ATP6V1C1: variants seen among roughly 807,000 people sequenced by gnomAD.
The protein encoded by ATP6V1C1 is V-type proton ATPase subunit C 1.
In ATP6V1C1, 45 loss-of-function variants were observed where a neutral mutation model predicts 53.9. The observed-to-expected ratio is 0.83, with a 90% CI of 0.66 to 1.07. The LOEUF (loss-of-function observed/expected upper bound fraction) is 1.07, where lower values mean the gene tolerates loss of function less well. ATP6V1C1 is among the 50% of genes least tolerant of loss of function. ATP6V1C1 has a pLI of 0.00. For synonymous variants in ATP6V1C1, 153 were observed against 155.2 expected, an observed-to-expected ratio of 0.99 and a Z score of 0.11; for missense variants, 315 against 440.3, an observed-to-expected ratio of 0.72 and a Z score of 2.55.
intron 12 of ATP6V1C1, 111 bp from the exon 13 acceptor site, chr8:103,068,541 C>T (rs1487645818): frequency 1.5e-6 from 1 of 677,208 alleles, no homozygotes; most frequent in African/African-American, 1.9e-5. Flanking sequence ...GCCTTAAGTG[C>T]ATACATTTAG....
intron 10 of ATP6V1C1, among the ~76,000 whole-genome samples, chr8:103,064,031 G>A (rs1357321336): frequency 2.0e-5 from 3 of 152,078 alleles, no homozygotes; most frequent in Non-Finnish European, 4.4e-5. Context: ...CACTTGTTTT[G>A]CTATCCTTTT....
chr8:103,045,962 A>T (rs568728856), intron 3 of ATP6V1C1, among the ~76,000 whole-genome samples: 5 of 152,056 alleles, frequency 3.3e-5, no homozygotes, highest in African/African-American at 1.2e-4. Flanking sequence ...AAAAGAAAAA[A>T]ATGTGAGGGA....
chr8:103,038,172 G>C (rs1451885633), intron 1 of ATP6V1C1, among the ~76,000 whole-genome samples: 1 of 152,142 alleles, frequency 6.6e-6, no homozygotes, highest in Non-Finnish European at 1.5e-5. Context: ...CATTCAGCTG[G>C]GAGATTGGCT....
chr8:103,039,164 CATG>C (rs1171984780), intron 1 of ATP6V1C1, among the ~76,000 whole-genome samples: 5 of 152,144 alleles, frequency 3.3e-5, no homozygotes, highest in Non-Finnish European at 1.5e-5. Flanking sequence ...AAATGGGAAG[CATG>C]ATATTTACCT....
chr8:103,069,863 A>G lies in ATP6V1C1; in HGVS notation c.*1116A>G, dbSNP rs1487498091. ...TCCCTTTAGAAAATTAGCCTCCAAA[A>G]TCTTTTGTTTCAAAATATTATATTA... On this transcript the variant is annotated 3_prime_UTR_variant, in exon 13 of 13. Transcript: ENST00000518738. 6.6e-6 allele frequency: 1 copy of G among 152,224 alleles called. No homozygotes were observed. The highest frequency in any genetic ancestry group is 2.4e-5 in the African/African-American group (1 of 41,456). 9.4% of individuals were successfully genotyped at this position (152,224 alleles called of 1,614,324 possible).
intron 1 of ATP6V1C1, among the ~76,000 whole-genome samples, chr8:103,037,845 G>A (rs1816924903): frequency 6.6e-6 from 1 of 152,108 alleles, no homozygotes; most frequent in Non-Finnish European, 1.5e-5. Flanking sequence ...CAAAACTAAA[G>A]CTCCTTTCTC....
intron 1 of ATP6V1C1, among the ~76,000 whole-genome samples, chr8:103,036,642 TA>T (rs1816903657): frequency 6.6e-6 from 1 of 152,222 alleles, no homozygotes; most frequent in Non-Finnish European, 1.5e-5. Flanking sequence ...CTCAGTGAAG[TA>T]GATAGGGCAG....
intron 8 of ATP6V1C1, among the ~76,000 whole-genome samples, chr8:103,061,295 T>C (rs1177173240): frequency 6.6e-6 from 1 of 152,222 alleles, no homozygotes; most frequent in African/African-American, 2.4e-5. Context: ...GGTCATACAC[T>C]AGGGAGGTGC....
chr8:103,050,505 C>T (rs2458290), intron 4 of ATP6V1C1, among the ~76,000 whole-genome samples: 69,298 of 152,056 alleles, frequency 0.46, 16,069 homozygotes, highest in Admixed American at 0.53. Context: ...GTCACTTTGA[C>T]TACTAAACTT....
At chr8:103,058,394 C>T (rs1817328306) in intron 8 of ATP6V1C1, among the ~76,000 whole-genome samples, 1 of 152,190 alleles carries the variant, frequency 6.6e-6, no homozygotes, top group South Asian at 2.1e-4. Context: ...AGCACTAGCT[C>T]AAATAGCACC....
chr8:103,047,169 G>A (rs1258696860), intron 3 of ATP6V1C1, among the ~76,000 whole-genome samples: 1 of 151,970 alleles, frequency 6.6e-6, no homozygotes, highest in Admixed American at 6.6e-5. Context: ...TGATTTTTAG[G>A]TTTGAGACCA....
At chr8:103,049,918 C>T (rs1817171316) in intron 4 of ATP6V1C1, among the ~76,000 whole-genome samples, 1 of 152,006 alleles carries the variant, frequency 6.6e-6, no homozygotes, top group South Asian at 2.1e-4. Context: ...GATTGTACCA[C>T]TGTACTCTAG....
chr8:103,037,748 A>G (rs925566791), intron 1 of ATP6V1C1, among the ~76,000 whole-genome samples: 1 of 152,204 alleles, frequency 6.6e-6, no homozygotes, highest in Non-Finnish European at 1.5e-5. Context: ...AAAATGTTAA[A>G]TATTGCCAAT....
chr8:103,063,414 C>A, intron 10 of ATP6V1C1, 186 bp downstream of exon 10: 1 of 500,212 alleles, frequency 2.0e-6, no homozygotes, highest in South Asian at 3.2e-5. Flanking sequence ...GATAACTATT[C>A]TATTTCTAAG....
intron 5 of ATP6V1C1, among the ~76,000 whole-genome samples, chr8:103,051,459 A>G (rs1392110216): frequency 1.3e-5 from 2 of 152,174 alleles, no homozygotes; most frequent in Admixed American, 6.6e-5. Flanking sequence ...ATTGGAGTCT[A>G]TTAAGATTTC....
At chr8:103,027,893 C>G (rs963021091) in intron 1 of ATP6V1C1, among the ~76,000 whole-genome samples, 3 of 152,196 alleles carry the variant, frequency 2.0e-5, no homozygotes, top group Middle Eastern at 3.4e-3. Flanking sequence ...GCCACCCTCT[C>G]CCACCCCCAA....
At chr8:103,042,452 A>C (rs1563604053) in intron 3 of ATP6V1C1, 45 bp downstream of exon 3, 1 of 1,569,704 alleles carries the variant, frequency 6.4e-7, no homozygotes. Flanking sequence ...GGGAGACACT[A>C]TTATCAGGCT....
At chr8:103,035,820 G>A (rs563059599) in intron 1 of ATP6V1C1, among the ~76,000 whole-genome samples, 11 of 152,254 alleles carry the variant, frequency 7.2e-5, no homozygotes, top group South Asian at 4.2e-4. Flanking sequence ...CAGGTCCATC[G>A]AATCTCTAGT....
chr8:103,021,614 A>G, intron 1 of ATP6V1C1, among the ~76,000 whole-genome samples: 1 of 121,892 alleles, frequency 8.2e-6, no homozygotes, highest in East Asian at 2.7e-4. Flanking sequence ...AAGTGCCTTC[A>G]CTGGGTGTGT....
Sources: allele counts gnomAD v4.1 joint callset (sites outside exome capture counted in the v4.1 genomes callset), GRCh38; gene constraint gnomAD v4.1.1; transcripts MANE v1.5; gene names NCBI Gene and HGNC (gene_info 2026-07-23, HGNC 2026-07-21).